Variants in RNF182 observed in about 807,000 individuals in gnomAD.
RNF182 encodes ring finger protein 182, also known as E3 ubiquitin-protein ligase RNF182.
RNF182 carries 15 observed loss-of-function variants against 14.4 expected under a neutral mutation model. The ratio of observed to expected loss-of-function variants is 1.04; its 90% confidence interval spans 0.70 to 1.60. The LOEUF (loss-of-function observed/expected upper bound fraction) is 1.60, where lower values mean the gene tolerates loss of function less well. Ranked by LOEUF, RNF182 falls within the 40% of genes most tolerant of loss-of-function variation. The pLI, the probability that RNF182 is intolerant of heterozygous loss-of-function variation, is 0.00. For missense variants in RNF182, 268 were observed against 294.8 expected (o/e 0.91, Z 0.67); for synonymous variants, 128 against 122.9 (o/e 1.04, Z -0.27).
At chr6:13,969,941 T>C (rs929164734) in intron 1 of RNF182, among the ~76,000 whole-genome samples, 2 of 152,224 alleles carry the variant, frequency 1.3e-5, no homozygotes, top group Non-Finnish European at 2.9e-5. Context: ...CCTCAGTGTC[T>C]GGTGAGACAT....
intron 2 of RNF182, among the ~76,000 whole-genome samples, chr6:13,974,638 A>G (rs1760278570): frequency 6.6e-6 from 1 of 152,184 alleles, no homozygotes; most frequent in African/African-American, 2.4e-5. Context: ...TACTCTTCTA[A>G]TGGTTGGAAG....
chr6:13,943,321 G>A (rs372244902), intron 1 of RNF182, among the ~76,000 whole-genome samples: 3 of 150,320 alleles, frequency 2.0e-5, no homozygotes, highest in African/African-American at 4.9e-5. Context: ...GGGTCTCACC[G>A]TGTTGTCCAA....
intron 1 of RNF182, among the ~76,000 whole-genome samples, chr6:13,964,678 G>A (rs535494612): frequency 1.3e-5 from 2 of 152,098 alleles, no homozygotes; most frequent in South Asian, 4.1e-4. Flanking sequence ...GGCTGGTACC[G>A]AGGGCTGGCA....
chr6:13,947,981 T>A (rs1759481174), intron 1 of RNF182, among the ~76,000 whole-genome samples: 1 of 152,212 alleles, frequency 6.6e-6, no homozygotes, highest in Non-Finnish European at 1.5e-5. Context: ...AGAAATGTGC[T>A]CTAAATTTTG....
Position 13,941,069 on chromosome 6 carries a change from A to G in RNF182, c.-367+16046A>G, listed in dbSNP as rs573876507. Reference sequence around the variant, plus strand: ...TAGTTGTAATTGCAGAATTTGGTGCACATAGATTGGGTCAAATTCATTAAT... The same window carrying G: ...TAGTTGTAATTGCAGAATTTGGTGCGCATAGATTGGGTCAAATTCATTAAT... On this transcript the variant is annotated intron_variant, in intron 1 of 2. Coordinates refer to ENST00000488300, the MANE Select transcript of RNF182 (RefSeq NM_152737.4). 1.8e-4 allele frequency among the ~76,000 whole-genome samples: 28 copies of G among 152,154 alleles called. No individual in the cohort carries two copies. The South Asian group carries it at 4.1e-3, about 23-fold the overall frequency.
chr6:13,925,367 G>T (rs1758798762), intron 1 of RNF182: 1 of 152,162 alleles, frequency 6.6e-6, no homozygotes, highest in African/African-American at 2.4e-5. Flanking sequence ...GGAAAAAAAG[G>T]TATGAAAGTA....
At chr6:13,963,625 A>G (rs759492599) in intron 1 of RNF182, among the ~76,000 whole-genome samples, 2 of 152,084 alleles carry the variant, frequency 1.3e-5, no homozygotes, top group South Asian at 2.1e-4. Flanking sequence ...CTTTCTCTCT[A>G]TGGTTTCTCA....
chr6:13,957,538 TGGACCTTG>T (rs1759761008), intron 1 of RNF182, among the ~76,000 whole-genome samples: 1 of 152,204 alleles, frequency 6.6e-6, no homozygotes, highest in Non-Finnish European at 1.5e-5. Flanking sequence ...CGAGTACGGT[TGGACCTTG>T]GTGAACAGAA....
Position 13,978,141 on chromosome 6 carries a change from CA to C in RNF182, c.*279del, listed in dbSNP as rs1345832233. On this transcript the variant is annotated 3_prime_UTR_variant, in exon 3 of 3. Transcript: ENST00000488300. Reference sequence around the variant, plus strand: ...AGGACAGGGTTTCTCTCAGCACTGCCAGACAGACGGCAGGGGTGTGGTGTGT... The same window carrying C: ...AGGACAGGGTTTCTCTCAGCACTGCCGACAGACGGCAGGGGTGTGGTGTGT... The C allele has an allele frequency of 2.7e-6, 1 of 367,532 alleles. No homozygotes were observed. Among genetic ancestry groups the C allele is most frequent in the Non-Finnish European group, 5.2e-6 (1 of 193,470 alleles). 22.8% of individuals were successfully genotyped at this position (367,532 alleles called of 1,614,324 possible).
At chr6:13,967,782 G>A (rs909852757) in intron 1 of RNF182, among the ~76,000 whole-genome samples, 2 of 151,974 alleles carry the variant, frequency 1.3e-5, no homozygotes, top group Non-Finnish European at 2.9e-5. Context: ...GCCCTGGCTA[G>A]TCTCAAACTC....
chr6:13,975,029 CTG>C (rs1388771111), intron 2 of RNF182, among the ~76,000 whole-genome samples: 2 of 152,268 alleles, frequency 1.3e-5, no homozygotes, highest in East Asian at 3.9e-4. Context: ...GGGCTGAAGT[CTG>C]TGTGTGGCTA....
chr6:13,959,081 A>G (rs975069076), intron 1 of RNF182, among the ~76,000 whole-genome samples: 4 of 152,214 alleles, frequency 2.6e-5, no homozygotes, highest in African/African-American at 9.7e-5. Flanking sequence ...TCATATGCAG[A>G]TGTCCAGTCC....
chr6:13,961,727 A>G (rs1180969810), intron 1 of RNF182, among the ~76,000 whole-genome samples: 1 of 152,204 alleles, frequency 6.6e-6, no homozygotes, highest in Non-Finnish European at 1.5e-5. Flanking sequence ...CTGTATCCTA[A>G]TAAATAGATT....
At chr6:13,970,162 C>A (rs962715751) in intron 1 of RNF182, among the ~76,000 whole-genome samples, 7 of 152,226 alleles carry the variant, frequency 4.6e-5, no homozygotes, top group African/African-American at 1.7e-4. Context: ...GTATTTCAAG[C>A]CTTCTGGTTA....
chr6:13,977,123 G>T lies in RNF182; in HGVS notation c.4G>T (p.Ala2Ser), dbSNP rs147169129. Residue 2 changes from alanine to serine, a missense_variant, in exon 3 of 3, where the codon GCC (alanine) becomes TCC (serine). Coordinates refer to ENST00000488300, the MANE Select transcript of RNF182 (RefSeq NM_152737.4). Reference protein sequence around the residue: MASQPPEDTAES... With the variant: MSSQPPEDTAES... ...AAGATTGCACACATAATTCAAGATG[G>T]CCAGTCAACCTCCTGAAGACACTGC... The T allele has an allele frequency of 7.5e-6, 12 of 1,609,708 alleles. No homozygotes were observed. The highest frequency in any genetic ancestry group is 1.1e-5 in the South Asian group (1 of 90,644).
chr6:13,949,431 A>G (rs143457944), intron 1 of RNF182: 37 of 718,052 alleles, frequency 5.2e-5, no homozygotes, highest in South Asian at 3.4e-4. Context: ...GCTGTCATCT[A>G]TAGGTTTCTT....
chr6:13,960,656 A>AGAGTGTGTGT (rs1298804988), intron 1 of RNF182, among the ~76,000 whole-genome samples: 16 of 133,212 alleles, frequency 1.2e-4, no homozygotes, highest in South Asian at 7.8e-4. Flanking sequence ...GGAGAGAGAG[A>AGAGTGTGTGT]GTGTGTGTGT....
intron 2 of RNF182, among the ~76,000 whole-genome samples, chr6:13,975,227 C>G (rs552367234): frequency 6.6e-6 from 1 of 152,044 alleles, no homozygotes; most frequent in East Asian, 1.9e-4. Flanking sequence ...GTTCATCCCA[C>G]AGGAGGAAAA....
intron 1 of RNF182, among the ~76,000 whole-genome samples, chr6:13,972,991 A>C (rs1434666168): frequency 6.6e-6 from 1 of 152,204 alleles, no homozygotes; most frequent in African/African-American, 2.4e-5. Flanking sequence ...GCAGACATTC[A>C]ATGCCAGCCT....
Sources: gnomAD v4.1 joint callset for allele counts (sites outside exome capture counted in the v4.1 genomes callset) on GRCh38, gnomAD v4.1.1 for gene constraint, MANE v1.5 for transcripts, NCBI Gene and HGNC (gene_info 2026-07-23, HGNC 2026-07-21) for gene names.